The following PAQR5 variants were observed in gnomAD, a reference collection of about 807,000 sequenced individuals.
The protein encoded by PAQR5 is membrane progestin receptor gamma.
PAQR5 carries 20 observed loss-of-function variants against 34.5 expected under a neutral mutation model. The ratio of observed to expected loss-of-function variants is 0.58; its 90% CI spans 0.41 to 0.84. The LOEUF (loss-of-function observed/expected upper bound fraction) is 0.84. Ranked by LOEUF, PAQR5 falls within the 40% of genes least tolerant of loss-of-function variation. The pLI, the probability that PAQR5 is intolerant of heterozygous loss-of-function variation, is 0.00. For missense variants in PAQR5, 378 were observed against 412.7 expected, an observed-to-expected ratio of 0.92 and a Z score of 0.73; for synonymous variants, 131 against 155.6, an observed-to-expected ratio of 0.84 and a Z score of 1.18.
At chr15:69,378,264 TAAAAAAAAAA>T (rs71149912) in intron 3 of PAQR5, among the ~76,000 whole-genome samples, 11 of 59,692 alleles carry the variant, frequency 1.8e-4, no homozygotes, top group East Asian at 6.2e-4. Flanking sequence ...GACTCCATCT[TAAAAAAAAAA>T]AAAAAAAAAA....
chr15:69,389,594 A>C (rs2056199925), intron 5 of PAQR5, 60 bp from the exon 6 acceptor site: 1 of 1,607,890 alleles, frequency 6.2e-7, no homozygotes, highest in Non-Finnish European at 8.5e-7. Flanking sequence ...CAGTCTTTGC[A>C]AGGGGCCCAT....
At position 69,333,145 on chromosome 15, in the gene PAQR5, G is replaced by T. The variant is rs915392402; in HGVS notation, c.-276-4196G>T. The stretch of plus-strand genomic sequence containing the variant: ...ATTTTTTTCCATTTTTTTTTATCTT[G>T]CCAATCTTAATACACACATGAGAGG... On this transcript the variant is annotated intron_variant, in intron 1 of 8. Transcript: ENST00000395407. Among the ~76,000 whole-genome samples, 29 of 150,268 alleles carry T rather than the reference G, an allele frequency of 1.9e-4. No individual in the cohort carries two copies. In the East Asian group the frequency reaches 4.9e-3, roughly 25 times the overall value.
intron 1 of PAQR5, among the ~76,000 whole-genome samples, chr15:69,303,634 A>T (rs2053652785): frequency 6.6e-6 from 1 of 151,828 alleles, no homozygotes; most frequent in Non-Finnish European, 1.5e-5. Flanking sequence ...TGCACTGGAG[A>T]ACTAAGGAAG....
intron 3 of PAQR5, among the ~76,000 whole-genome samples, chr15:69,372,823 T>C (rs2055599456): frequency 6.6e-6 from 1 of 152,206 alleles, no homozygotes; most frequent in Non-Finnish European, 1.5e-5. Flanking sequence ...AGAGTACTTC[T>C]GGATTTTCGG....
At chr15:69,387,225 C>T (rs188736818) in intron 5 of PAQR5, among the ~76,000 whole-genome samples, 3 of 152,352 alleles carry the variant, frequency 2.0e-5, no homozygotes, top group East Asian at 1.9e-4. Flanking sequence ...CCTTGGCCCT[C>T]GGTTGCCCGC....
chr15:69,337,823 C>T (rs539042663), intron 2 of PAQR5, among the ~76,000 whole-genome samples: 1 of 152,112 alleles, frequency 6.6e-6, no homozygotes, highest in South Asian at 2.1e-4. Flanking sequence ...GACTGAAATC[C>T]CAGCACTTTG....
At chr15:69,318,217 T>C (rs940017039) in intron 1 of PAQR5, among the ~76,000 whole-genome samples, 1 of 152,174 alleles carries the variant, frequency 6.6e-6, no homozygotes, top group Non-Finnish European at 1.5e-5. Context: ...TGGAGGCTGA[T>C]GAAGTGGGGC....
At chr15:69,345,671 ACACT>A (rs2140758607) in intron 2 of PAQR5, among the ~76,000 whole-genome samples, 1 of 152,282 alleles carries the variant, frequency 6.6e-6, no homozygotes, top group Non-Finnish European at 1.5e-5. Flanking sequence ...CATTAAACAC[ACACT>A]CTCTTTTTGT....
chr15:69,389,603 A>C lies in PAQR5; in HGVS notation c.386-51A>C, dbSNP rs916720080. Reference sequence around the variant, plus strand: ...TGGGGACAGTCTTTGCAAGGGGCCCATGTGGTGCCAAGGCCTGGCTCCTCT... The same window carrying C: ...TGGGGACAGTCTTTGCAAGGGGCCCCTGTGGTGCCAAGGCCTGGCTCCTCT... On this transcript the variant is annotated intron_variant, in intron 5 of 8. Transcript: ENST00000395407. 4.3e-6 allele frequency: 7 copies of C among 1,611,400 alleles called. No homozygotes were observed. In the African/African-American group the frequency reaches 9.3e-5, roughly 22 times the overall value.
At chr15:69,321,736 C>A in intron 1 of PAQR5, among the ~76,000 whole-genome samples, 1 of 152,184 alleles carries the variant, frequency 6.6e-6, no homozygotes, top group South Asian at 2.1e-4. Flanking sequence ...GCCAGACAAC[C>A]AGGCCAGACC....
At chr15:69,373,256 G>A (rs573823630) in intron 3 of PAQR5, among the ~76,000 whole-genome samples, 10 of 129,334 alleles carry the variant, frequency 7.7e-5, no homozygotes, top group African/African-American at 1.7e-4. Flanking sequence ...CACCTGGGAC[G>A]TTGCTGCCCC....
chr15:69,350,331 A>C (rs1188958979), intron 2 of PAQR5, among the ~76,000 whole-genome samples: 1 of 152,234 alleles, frequency 6.6e-6, no homozygotes, highest in Non-Finnish European at 1.5e-5. Context: ...AGACCAAGTC[A>C]ACAAAGGCCT....
chr15:69,405,116 T>C lies in PAQR5; in HGVS notation c.*1294T>C, dbSNP rs58830943. 2.9e-3 allele frequency: 1,163 copies of C among 397,850 alleles called. 7 individuals carry two copies. The highest frequency in any genetic ancestry group is 0.021 in the African/African-American group (1,028 of 48,728). The allele number at this position is 397,850 out of a possible 1,614,324, so 24.6% of individuals were successfully genotyped here. A position where few individuals can be genotyped will look rare whatever the true frequency, so the allele number is the denominator to read the frequency against. On this transcript the variant is annotated 3_prime_UTR_variant, in exon 9 of 9. Transcript: ENST00000395407. Reference sequence around the variant, plus strand: ...AAACACTGAGCATTTTCTCATTTGTTGCATTACTGATTAAAGTTCAGTATT... The same window carrying C: ...AAACACTGAGCATTTTCTCATTTGTCGCATTACTGATTAAAGTTCAGTATT...
At chr15:69,400,162 G>A in intron 8 of PAQR5, 47 bp downstream of exon 8, 2 of 1,567,206 alleles carry the variant, frequency 1.3e-6, no homozygotes, top group South Asian at 2.4e-5. Context: ...CCTCCTGACT[G>A]GGGAGGGTCC....
chr15:69,350,557 C>T (rs552653407), intron 2 of PAQR5, among the ~76,000 whole-genome samples: 2 of 152,082 alleles, frequency 1.3e-5, no homozygotes, highest in East Asian at 1.9e-4. Context: ...GCGCAAGAAT[C>T]GCTTGAACTC....
intron 1 of PAQR5, among the ~76,000 whole-genome samples, chr15:69,306,699 C>T (rs112281291): frequency 0.01 from 1,536 of 152,126 alleles, 33 homozygotes; most frequent in African/African-American, 0.036. Context: ...CACCGCCCCC[C>T]GCCCATTTAA....
At chr15:69,347,622 T>C (rs2054808962) in intron 2 of PAQR5, among the ~76,000 whole-genome samples, 1 of 152,094 alleles carries the variant, frequency 6.6e-6, no homozygotes, top group South Asian at 2.1e-4. Flanking sequence ...GGTCTCTGGG[T>C]GTCTTAGTCT....
Position 69,308,594 on chromosome 15 carries a change from C to G in PAQR5, c.-277+9538C>G, listed in dbSNP as rs1356588103. ...CAACCAAAAATATCTCCAAACATTG[C>G]CAAATGTCCACTGGGGAGCAAAACC... is the stretch of plus-strand genomic sequence containing the variant. On this transcript the variant is annotated intron_variant, in intron 1 of 8. Transcript: ENST00000395407. 2.0e-5 allele frequency among the ~76,000 whole-genome samples: 3 copies of G among 152,070 alleles called. No individual in the cohort carries two copies. In the South Asian group the frequency reaches 6.2e-4, roughly 31 times the overall value.
intron 7 of PAQR5, 109 bp from the exon 8 acceptor site, chr15:69,399,865 A>G (rs1293181926): frequency 3.6e-6 from 4 of 1,103,632 alleles, no homozygotes; most frequent in African/African-American, 3.1e-5. Flanking sequence ...GTGTGCTAAC[A>G]TGTGTGGGTG....
Sources: allele counts gnomAD v4.1 joint callset (sites outside exome capture counted in the v4.1 genomes callset), GRCh38; gene constraint gnomAD v4.1.1; transcripts MANE v1.5; gene names NCBI Gene and HGNC (gene_info 2026-07-23, HGNC 2026-07-21).